Variants in LRRTM4 observed in about 807,000 individuals in gnomAD.
LRRTM4 encodes the protein leucine rich repeat transmembrane neuronal 4.
In LRRTM4, 25 loss-of-function variants were observed where a neutral mutation model predicts 47.6. That is an observed-to-expected ratio of 0.53 (90% CI 0.38 to 0.73). The LOEUF is 0.73. LRRTM4 is among the 30% of genes least tolerant of loss of function. The probability of loss-of-function intolerance (pLI) is 0.00; values close to 1 mark genes in which losing one functional copy is unlikely to be tolerated. For missense variants in LRRTM4, 638 were observed against 713.4 expected (o/e 0.89, Z 1.20); for synonymous variants, 311 against 269.5 (o/e 1.15, Z -1.51).
intron 3 of LRRTM4, among the ~76,000 whole-genome samples, chr2:77,273,345 C>T (rs374079297): frequency 2.2e-4 from 34 of 152,278 alleles, no homozygotes; most frequent in African/African-American, 8.2e-4. Flanking sequence ...TGAATAAGCA[C>T]TCTGAAGAAA....
intron 3 of LRRTM4, among the ~76,000 whole-genome samples, chr2:77,100,113 A>AG (rs1670913708): frequency 6.6e-6 from 1 of 152,130 alleles, no homozygotes; most frequent in African/African-American, 2.4e-5. Flanking sequence ...TTTACACATT[A>AG]ACCTCCTTGT....
chr2:76,931,357 T>A (rs1332389698), intron 3 of LRRTM4, among the ~76,000 whole-genome samples: 1 of 152,160 alleles, frequency 6.6e-6, no homozygotes, highest in Non-Finnish European at 1.5e-5. Context: ...TCACCTTCTA[T>A]AATAAAATAA....
chr2:77,341,365 C>T (rs1172757608), intron 3 of LRRTM4, among the ~76,000 whole-genome samples: 1 of 151,792 alleles, frequency 6.6e-6, no homozygotes, highest in Admixed American at 6.6e-5. Flanking sequence ...GGTATATACC[C>T]CCTCCATCAT....
intron 3 of LRRTM4, among the ~76,000 whole-genome samples, chr2:76,974,227 C>CATATATATATACAT (rs1558771791): frequency 8.0e-6 from 1 of 125,152 alleles, no homozygotes; most frequent in Non-Finnish European, 1.6e-5. Context: ...TATATACATA[C>CATATATATATACAT]ATATATATAT....
At chr2:77,499,627 C>CA (rs1324668128) in intron 3 of LRRTM4, among the ~76,000 whole-genome samples, 1 of 151,920 alleles carries the variant, frequency 6.6e-6, no homozygotes, top group Non-Finnish European at 1.5e-5. Flanking sequence ...AGCCCAGAGT[C>CA]AGTCACTCTA....
chr2:77,196,209 T>C (rs1236990962), intron 3 of LRRTM4, among the ~76,000 whole-genome samples: 1 of 152,216 alleles, frequency 6.6e-6, no homozygotes, highest in Non-Finnish European at 1.5e-5. Context: ...ACAATAATTG[T>C]ACAAATTCAT....
intron 3 of LRRTM4, among the ~76,000 whole-genome samples, chr2:77,020,145 A>T (rs12713890): frequency 1.3e-5 from 2 of 151,668 alleles, no homozygotes; most frequent in Non-Finnish European, 2.9e-5. Flanking sequence ...AAAGATGAAG[A>T]AAGGTAGAAA....
rs143028672 is a variant in LRRTM4 at position 76,915,659 on chromosome 2, C to A, written c.1552-166743G>T. Among the ~76,000 whole-genome samples the A allele has an allele frequency of 2.3e-3, 353 of 152,168 alleles. 1 individual carries two copies. The highest frequency in any genetic ancestry group is 7.7e-3 in the African/African-American group (318 of 41,506). ...TACCTTATGTCATAGCTGATGGAAA[C>A]TATCTTCACCATCTCAAATTTTCTA... On this transcript the variant is annotated intron_variant, in intron 3 of 3. Transcript: ENST00000409884.
intron 3 of LRRTM4, among the ~76,000 whole-genome samples, chr2:76,938,178 T>C (rs1385280527): frequency 6.6e-6 from 1 of 152,170 alleles, no homozygotes; most frequent in Admixed American, 6.5e-5. Flanking sequence ...ATTTTTCTCC[T>C]TACATTTATC....
At position 76,854,515 on chromosome 2, in the gene LRRTM4, T is replaced by C. The variant is rs1672090236; in HGVS notation, c.1552-105599A>G. ...CTGAGTTCTGAGGTGTGAACATAAATTACTCTCTGAGGGCAAAAAACAAAC... is the reference window on the plus strand; with the variant it reads ...CTGAGTTCTGAGGTGTGAACATAAACTACTCTCTGAGGGCAAAAAACAAAC... On this transcript the variant is annotated intron_variant, in intron 3 of 3. Transcript: ENST00000409884. Among the ~76,000 whole-genome samples, 4 of 152,096 alleles carry C rather than the reference T, an allele frequency of 2.6e-5. No homozygotes were observed. The South Asian group carries it at 8.3e-4, about 31-fold the overall frequency.
intron 3 of LRRTM4, among the ~76,000 whole-genome samples, chr2:77,278,336 C>A (rs913137484): frequency 6.6e-6 from 1 of 151,906 alleles, no homozygotes; most frequent in Non-Finnish European, 1.5e-5. Context: ...AGATTAAAAA[C>A]CAATTGTTAA....
At chr2:77,421,958 A>T (rs1241588928) in intron 3 of LRRTM4, among the ~76,000 whole-genome samples, 3 of 152,218 alleles carry the variant, frequency 2.0e-5, no homozygotes, top group African/African-American at 7.2e-5. Context: ...AGGTATGTTT[A>T]GATACACAAA....
intron 3 of LRRTM4, among the ~76,000 whole-genome samples, chr2:76,913,928 T>C (rs1674158114): frequency 6.6e-6 from 1 of 152,116 alleles, no homozygotes; most frequent in Admixed American, 6.6e-5. Context: ...TTTTAGAGCA[T>C]ATGCTAGACT....
chr2:77,377,396 A>G (rs966548899), intron 3 of LRRTM4, among the ~76,000 whole-genome samples: 5 of 152,006 alleles, frequency 3.3e-5, no homozygotes, highest in African/African-American at 1.2e-4. Context: ...TTGTATGTGT[A>G]ATATTATTCT....
chr2:77,039,023 G>C (rs1678936627), intron 3 of LRRTM4, among the ~76,000 whole-genome samples: 1 of 151,016 alleles, frequency 6.6e-6, no homozygotes, highest in African/African-American at 2.4e-5. Context: ...ACCCCCTTCA[G>C]TTCATAAGAA....
At chr2:76,877,668 C>G (rs149217240) in intron 3 of LRRTM4, among the ~76,000 whole-genome samples, 6 of 152,074 alleles carry the variant, frequency 3.9e-5, no homozygotes, top group Non-Finnish European at 8.8e-5. Flanking sequence ...ATTCTATTTT[C>G]TTATGATAAA....
At chr2:77,235,092 A>G (rs1307674138) in intron 3 of LRRTM4, among the ~76,000 whole-genome samples, 2 of 152,188 alleles carry the variant, frequency 1.3e-5, no homozygotes, top group Admixed American at 6.5e-5. Context: ...ATAGCATTCT[A>G]TGGTGGATAT....
rs2104125600 is a variant in LRRTM4 at position 77,518,490 on chromosome 2, T to C, written c.1379A>G (p.His460Arg). 6.2e-7 allele frequency: 1 copy of C among 1,613,276 alleles called. No homozygotes were observed. ...TTTCCGCCGCCTCTTCATAAGAGAG[T>C]GTTGCTGGAGTTGTTTCATGCTGGC... The part of the protein sequence containing the change: ...YPASMKQLQQ[H>R]SLMKRRRKKA... The change falls in exon 3 of 4, where the codon CAC becomes CGC. Residue 460 changes from histidine to arginine, a missense_variant. Coordinates refer to ENST00000409884, the MANE Select transcript of LRRTM4 (RefSeq NM_001134745.3).
chr2:76,805,105 A>G (rs1675903570), intron 3 of LRRTM4, among the ~76,000 whole-genome samples: 1 of 152,172 alleles, frequency 6.6e-6, no homozygotes, highest in Admixed American at 6.5e-5. Flanking sequence ...TTTAATGAAG[A>G]TTGAAGCCTC....
Sources: gnomAD v4.1 joint callset for allele counts (sites outside exome capture counted in the v4.1 genomes callset) on GRCh38, gnomAD v4.1.1 for gene constraint, MANE v1.5 for transcripts, NCBI Gene and HGNC (gene_info 2026-07-23, HGNC 2026-07-21) for gene names.